The following NMT2 variants were observed in gnomAD, a reference collection of about 807,000 sequenced individuals.
NMT2 encodes glycylpeptide N-tetradecanoyltransferase 2.
Under a neutral mutation model 65.4 loss-of-function variants are expected in NMT2, and 35 were observed. The ratio of observed to expected loss-of-function variants is 0.54; its 90% CI spans 0.41 to 0.71. The LOEUF (loss-of-function observed/expected upper bound fraction) is 0.71, where lower values mean the gene tolerates loss of function less well. Among genes scored for constraint, NMT2 ranks in the 30% least tolerant of loss-of-function variants. The pLI is 0.00. For synonymous variants in NMT2, 226 were observed against 231.8 expected (o/e 0.98, Z 0.23); for missense variants, 489 against 611.3 (o/e 0.80, Z 2.11).
chr10:15,168,342 G>A, intron 1 of NMT2, 161 bp downstream of exon 1: 1 of 346,178 alleles, frequency 2.9e-6, no homozygotes, highest in Non-Finnish European at 5.3e-6. Context: ...CCCGCGAGCC[G>A]CGCGCCCCGG....
intron 1 of NMT2, among the ~76,000 whole-genome samples, chr10:15,159,492 A>G (rs1433650517): frequency 6.6e-6 from 1 of 152,006 alleles, no homozygotes; most frequent in Non-Finnish European, 1.5e-5. Context: ...GGCTCACTGC[A>G]GTATGTGCTT....
At chr10:15,151,664 C>T (rs939567883) in intron 1 of NMT2, among the ~76,000 whole-genome samples, 6 of 152,182 alleles carry the variant, frequency 3.9e-5, no homozygotes, top group African/African-American at 1.4e-4. Flanking sequence ...AGGGACAGAT[C>T]CGTGGCTTAT....
Position 15,109,080 on chromosome 10 carries a change from G to T in NMT2, c.*115C>A. On this transcript the variant is annotated 3_prime_UTR_variant, in exon 12 of 12. Coordinates refer to ENST00000378165, the MANE Select transcript of NMT2 (RefSeq NM_004808.3). ...ACTTTTGTCATCTTTTCTGATTATC[G>T]ACTACTTCAATTTCACTTGAGTTGT... 6.5e-7 allele frequency: 1 copy of T among 1,531,120 alleles called. No individual in the cohort carries two copies. The highest frequency in any genetic ancestry group is 8.7e-7 in the Non-Finnish European group (1 of 1,148,300). The allele number at this position is 1,531,120 out of a possible 1,614,324, so 94.8% of individuals were successfully genotyped here. A position where few individuals can be genotyped will look rare whatever the true frequency, so the allele number is the denominator to read the frequency against.
intron 8 of NMT2, among the ~76,000 whole-genome samples, chr10:15,125,653 C>T (rs879338600): frequency 3.3e-5 from 5 of 150,722 alleles, no homozygotes; most frequent in East Asian, 1.9e-4. Flanking sequence ...TATGTATGTA[C>T]GTATGTATTT....
chr10:15,107,196 G>T lies in NMT2; in HGVS notation c.*1999C>A. ...TTTGAATTTTGTGTAATTTGCACAT[G>T]TCACAAAATGATGTCATTTTTTGGC... On this transcript the variant is annotated 3_prime_UTR_variant, in exon 12 of 12. Coordinates refer to ENST00000378165, the MANE Select transcript of NMT2 (RefSeq NM_004808.3). 4.1e-6 allele frequency: 1 copy of T among 245,222 alleles called. No homozygotes were observed. The highest frequency in any genetic ancestry group is 6.5e-6 in the Non-Finnish European group (1 of 154,060). 15.2% of individuals were successfully genotyped at this position (245,222 alleles called of 1,614,324 possible). A position where few individuals can be genotyped will look rare whatever the true frequency, so the allele number is the denominator to read the frequency against.
intron 2 of NMT2, among the ~76,000 whole-genome samples, chr10:15,137,948 C>T (rs530913827): frequency 5.0e-4 from 76 of 151,876 alleles, no homozygotes; most frequent in Non-Finnish European, 8.4e-4. Context: ...TGTCCCTTTG[C>T]GAAACATTGA....
At chr10:15,132,218 A>G (rs1027980975) in intron 6 of NMT2, among the ~76,000 whole-genome samples, 1 of 152,094 alleles carries the variant, frequency 6.6e-6, no homozygotes, top group Non-Finnish European at 1.5e-5. Context: ...TGAGATTGAG[A>G]GGCAGAGAGA....
intron 6 of NMT2, 55 bp from the exon 7 acceptor site, chr10:15,130,367 G>C (rs1240849041): frequency 7.8e-7 from 1 of 1,284,212 alleles, no homozygotes; most frequent in Non-Finnish European, 1.1e-6. Flanking sequence ...AAAATGAAGA[G>C]TCAACACATT....
chr10:15,168,687 C>T lies in NMT2; in HGVS notation c.-75G>A. On this transcript the variant is annotated 5_prime_UTR_variant, in exon 1 of 12. Coordinates refer to ENST00000378165, the MANE Select transcript of NMT2 (RefSeq NM_004808.3). ...CCGCAGCTCCCTCTAGTGCCTCCCG[C>T]CGTACTGCTTGGAGTCGGAGCCCGG... The T allele has an allele frequency of 8.7e-7, 1 of 1,153,280 alleles. No individual in the cohort carries two copies. The highest frequency in any genetic ancestry group is 1.2e-6 in the Non-Finnish European group (1 of 829,572). The allele number at this position is 1,153,280 out of a possible 1,614,324, so 71.4% of individuals were successfully genotyped here. A position where few individuals can be genotyped will look rare whatever the true frequency, so the allele number is the denominator to read the frequency against.
intron 11 of NMT2, 87 bp from the exon 12 acceptor site, chr10:15,109,302 G>T (rs1161653131): frequency 6.6e-7 from 1 of 1,517,302 alleles, no homozygotes; most frequent in Non-Finnish European, 8.9e-7. Flanking sequence ...CTGTCTTAAG[G>T]CTCAGCTCAC....
intron 6 of NMT2, among the ~76,000 whole-genome samples, chr10:15,131,486 G>A (rs1846285079): frequency 6.6e-6 from 1 of 151,924 alleles, no homozygotes; most frequent in Admixed American, 6.6e-5. Context: ...CCTAAATTAT[G>A]GTAATAACTG....
rs1461012399 is a variant in NMT2 at position 15,141,210 on chromosome 10, CCA to C, written c.246+210_246+211del. 8.0e-5 allele frequency: 62 copies of C among 774,602 alleles called. 1 individual carries two copies. The highest frequency in any genetic ancestry group is 4.5e-4 in the South Asian group (25 of 55,030). 48.0% of individuals were successfully genotyped at this position (774,602 alleles called of 1,614,324 possible). On this transcript the variant is annotated intron_variant, in intron 2 of 11. Transcript: ENST00000378165. Reference sequence around the variant, plus strand: ...GAAAAGGGAAAAACACAGCAGGTATCCACACACACACAAAAGCACAGTGTACC... The same window carrying C: ...GAAAAGGGAAAAACACAGCAGGTATCCACACACACAAAAGCACAGTGTACC...
rs1329539266 is a variant in NMT2 at position 15,108,509 on chromosome 10, G to C, written c.*686C>G. ...CTCAGGCTCTTTCAGAGAGCACAGT[G>C]AGTGCTTGCACAAAACTCTGCTTTT... On this transcript the variant is annotated 3_prime_UTR_variant, in exon 12 of 12. Coordinates refer to ENST00000378165, the MANE Select transcript of NMT2 (RefSeq NM_004808.3). 2 of 985,534 alleles carry C rather than the reference G, an allele frequency of 2.0e-6. No individual in the cohort carries two copies. The highest frequency in any genetic ancestry group is 2.4e-6 in the Non-Finnish European group (2 of 830,136). The allele number at this position is 985,534 out of a possible 1,614,324, so 61.0% of individuals were successfully genotyped here.
At position 15,168,646 on chromosome 10, in the gene NMT2, G is replaced by T; in HGVS notation, c.-34C>A. On this transcript the variant is annotated 5_prime_UTR_variant, in exon 1 of 12. Coordinates refer to ENST00000378165, the MANE Select transcript of NMT2 (RefSeq NM_004808.3). Reference sequence around the variant, plus strand: ...CGCTGGCTGGGGAGGCGGTGCTCGGGGCCGGGCCGGAGCGGCCGCAGCTCC... The same window carrying T: ...CGCTGGCTGGGGAGGCGGTGCTCGGTGCCGGGCCGGAGCGGCCGCAGCTCC... 1.3e-6 allele frequency: 2 copies of T among 1,530,928 alleles called. No homozygotes were observed. The highest frequency in any genetic ancestry group is 1.2e-5 in the South Asian group (1 of 86,524). 94.8% of individuals were successfully genotyped at this position (1,530,928 alleles called of 1,614,324 possible).
chr10:15,123,836 G>A (rs183694245), intron 8 of NMT2, among the ~76,000 whole-genome samples: 3 of 152,192 alleles, frequency 2.0e-5, no homozygotes, highest in African/African-American at 4.8e-5. Flanking sequence ...ATTGAAATCT[G>A]TGTAAAATCT....
chr10:15,155,740 C>T lies in NMT2; in HGVS notation c.110+12763G>A, dbSNP rs115835092. ...ATCTTCTTTTCTTATTGAGAACTTT[C>T]ACCTTTTCACTTAAGAAAGCACTTT... On this transcript the variant is annotated intron_variant, in intron 1 of 11. Transcript: ENST00000378165. Among the ~76,000 whole-genome samples, 483 of 152,112 alleles carry T rather than the reference C, an allele frequency of 3.2e-3. 3 individuals carry two copies. The highest frequency in any genetic ancestry group is 0.011 in the African/African-American group (469 of 41,494).
chr10:15,109,411 C>A (rs1845429913), intron 11 of NMT2, among the ~76,000 whole-genome samples, 196 bp from the exon 12 acceptor site: 1 of 152,074 alleles, frequency 6.6e-6, no homozygotes, highest in South Asian at 2.1e-4. Context: ...CCCATCTCTA[C>A]TAAAAATGAA....
chr10:15,130,703 CAAA>C (rs974360507), intron 6 of NMT2, among the ~76,000 whole-genome samples: 3 of 28,634 alleles, frequency 1.0e-4, no homozygotes, highest in Admixed American at 4.3e-4. Context: ...GGCCCTGTCT[CAAA>C]AAAAAAAAAA....
chr10:15,148,992 T>C (rs1268556886), intron 1 of NMT2, among the ~76,000 whole-genome samples: 1 of 152,156 alleles, frequency 6.6e-6, no homozygotes, highest in Non-Finnish European at 1.5e-5. Flanking sequence ...TCACATGCTG[T>C]TGGTAAAATG....
Sources: gnomAD v4.1 joint callset for allele counts (sites outside exome capture counted in the v4.1 genomes callset) on GRCh38, gnomAD v4.1.1 for gene constraint, MANE v1.5 for transcripts, NCBI Gene and HGNC (gene_info 2026-07-23, HGNC 2026-07-21) for gene names.